PLXNA4: variants seen among roughly 807,000 people sequenced by gnomAD.
PLXNA4 encodes plexin A4.
Under a neutral mutation model 191.8 loss-of-function variants are expected in PLXNA4, and 44 were observed. That is an observed-to-expected ratio of 0.23 (90% CI 0.18 to 0.29). PLXNA4 has a LOEUF of 0.29. Ranked by LOEUF, PLXNA4 falls within the 10% of genes least tolerant of loss-of-function variation. PLXNA4 has a pLI of 1.00. For synonymous variants in PLXNA4, 1,082 were observed against 1,009.5 expected (o/e 1.07, Z -1.36); for missense variants, 1,800 against 2,488.8 (o/e 0.72, Z 5.89).
intron 2 of PLXNA4, among the ~76,000 whole-genome samples, chr7:132,633,132 G>A (rs956719125): frequency 1.3e-4 from 20 of 152,092 alleles, no homozygotes; most frequent in African/African-American, 4.6e-4. Flanking sequence ...GGGGGAGGTG[G>A]GCGAAGAGAT....
At chr7:132,249,504 G>A (rs1418629133) in intron 4 of PLXNA4, among the ~76,000 whole-genome samples, 1 of 152,192 alleles carries the variant, frequency 6.6e-6, no homozygotes, top group Admixed American at 6.5e-5. Flanking sequence ...AGAGCGTCGA[G>A]AAATCACCCC....
At chr7:132,337,288 G>A (rs1802855510) in intron 3 of PLXNA4, among the ~76,000 whole-genome samples, 1 of 152,318 alleles carries the variant, frequency 6.6e-6, no homozygotes, top group South Asian at 2.1e-4. Context: ...ATAAAAACTG[G>A]CAAGTCACAT....
At position 132,180,084 on chromosome 7, in the gene PLXNA4, C is replaced by G. The variant is rs564375461; in HGVS notation, c.3640-163G>C. Among the ~76,000 whole-genome samples, 5 of 152,292 alleles carry G rather than the reference C, an allele frequency of 3.3e-5. No individual in the cohort carries two copies. The East Asian group carries it at 5.8e-4, about 18-fold the overall frequency. On this transcript the variant is annotated intron_variant, in intron 19 of 31. Coordinates refer to ENST00000321063, the MANE Select transcript of PLXNA4 (RefSeq NM_020911.2). The stretch of plus-strand genomic sequence containing the variant: ...GGGCATGGGGGGCTGGGAGCGGGGA[C>G]AGGCACAGCTTAACAGAGCTCACCC...
intron 22 of PLXNA4, among the ~76,000 whole-genome samples, chr7:132,166,678 G>A (rs538669356): frequency 6.6e-5 from 10 of 151,972 alleles, no homozygotes; most frequent in African/African-American, 1.9e-4. Flanking sequence ...GAGGGCAGAA[G>A]GAAGCAAGAG....
At chr7:132,338,888 C>T (rs754239441) in intron 3 of PLXNA4, among the ~76,000 whole-genome samples, 1 of 152,152 alleles carries the variant, frequency 6.6e-6, no homozygotes, top group Non-Finnish European at 1.5e-5. Context: ...TTCTGGGCTG[C>T]AGCAGTATCC....
intron 1 of PLXNA4, among the ~76,000 whole-genome samples, chr7:132,541,958 A>G (rs1310335835): frequency 2.0e-5 from 3 of 152,234 alleles, no homozygotes; most frequent in Non-Finnish European, 4.4e-5. Flanking sequence ...CTTCCTCTAG[A>G]TGAAATGGGC....
intron 25 of PLXNA4, among the ~76,000 whole-genome samples, chr7:132,158,690 A>T (rs966110468): frequency 7.2e-5 from 11 of 152,214 alleles, no homozygotes; most frequent in Non-Finnish European, 1.5e-4. Flanking sequence ...ACACACAGCT[A>T]GGACTTGACG....
intron 3 of PLXNA4, among the ~76,000 whole-genome samples, chr7:132,468,752 ACAC>A (rs989740687): frequency 9.3e-5 from 14 of 149,750 alleles, no homozygotes; most frequent in Non-Finnish European, 1.3e-4. Context: ...ACACACACAC[ACAC>A]AATACACACA....
At chr7:132,606,554 G>T (rs757091809) in intron 2 of PLXNA4, among the ~76,000 whole-genome samples, 1 of 152,184 alleles carries the variant, frequency 6.6e-6, no homozygotes, top group African/African-American at 2.4e-5. Context: ...AGGCTAAATC[G>T]CACATAAGTA....
At chr7:132,618,516 C>T (rs531645455) in intron 2 of PLXNA4, among the ~76,000 whole-genome samples, 1 of 152,334 alleles carries the variant, frequency 6.6e-6, no homozygotes, top group East Asian at 1.9e-4. Flanking sequence ...TTGTAATTAA[C>T]CTCTGACTGT....
At chr7:132,572,449 T>A (rs2116768256) in intron 1 of PLXNA4, among the ~76,000 whole-genome samples, 1 of 152,366 alleles carries the variant, frequency 6.6e-6, no homozygotes, top group South Asian at 2.1e-4. Flanking sequence ...TTTGGGAGGC[T>A]GATGCCACAG....
intron 3 of PLXNA4, among the ~76,000 whole-genome samples, chr7:132,370,076 A>G (rs1216279947): frequency 1.3e-5 from 2 of 152,020 alleles, no homozygotes. Context: ...TCAAAAAAAA[A>G]AAAAAAAAAG....
intron 2 of PLXNA4, among the ~76,000 whole-genome samples, chr7:132,600,692 C>T (rs745382500): frequency 6.6e-6 from 1 of 152,084 alleles, no homozygotes; most frequent in Non-Finnish European, 1.5e-5. Context: ...TTCCTTGTAC[C>T]AATTTTGACT....
intron 3 of PLXNA4, among the ~76,000 whole-genome samples, chr7:132,326,073 A>T (rs976587614): frequency 5.3e-5 from 8 of 152,160 alleles, no homozygotes; most frequent in Non-Finnish European, 5.9e-5. Context: ...GAGTGGTTGG[A>T]GTAGTGCATC....
At chr7:132,548,897 G>A (rs949782570) in intron 1 of PLXNA4, among the ~76,000 whole-genome samples, 29 of 152,254 alleles carry the variant, frequency 1.9e-4, no homozygotes, top group African/African-American at 6.3e-4. Context: ...ACCTCGGGTC[G>A]TCCCCACTGC....
intron 1 of PLXNA4, among the ~76,000 whole-genome samples, chr7:132,519,290 C>T (rs1279417997): frequency 1.3e-5 from 2 of 152,256 alleles, no homozygotes; most frequent in Non-Finnish European, 2.9e-5. Context: ...ATGAGGAACA[C>T]TCTATCCAGG....
intron 3 of PLXNA4, among the ~76,000 whole-genome samples, chr7:132,345,141 T>C (rs1423203544): frequency 6.6e-6 from 1 of 151,984 alleles, no homozygotes; most frequent in Non-Finnish European, 1.5e-5. Flanking sequence ...ATAAGCAGAG[T>C]GTTAAATAAT....
chr7:132,438,896 C>T (rs1243843878), intron 3 of PLXNA4, among the ~76,000 whole-genome samples: 1 of 152,152 alleles, frequency 6.6e-6, no homozygotes, highest in African/African-American at 2.4e-5. Flanking sequence ...CATCGATGGA[C>T]TTTCACAGGT....
intron 30 of PLXNA4, among the ~76,000 whole-genome samples, chr7:132,134,770 T>C (rs187303046): frequency 3.3e-4 from 51 of 152,270 alleles, no homozygotes; most frequent in Non-Finnish European, 6.8e-4. Flanking sequence ...CCCCGTCTCA[T>C]TTGTATTTCC....
Sources: gnomAD v4.1 joint callset for allele counts (sites outside exome capture counted in the v4.1 genomes callset) on GRCh38, gnomAD v4.1.1 for gene constraint, MANE v1.5 for transcripts, NCBI Gene and HGNC (gene_info 2026-07-23, HGNC 2026-07-21) for gene names.